Variants in ARHGAP26 observed in about 807,000 individuals in gnomAD.
ARHGAP26 encodes Rho GTPase activating protein 26, also known as rho GTPase-activating protein 26.
Under a neutral mutation model 104.8 loss-of-function variants are expected in ARHGAP26, and 38 were observed. The ratio of observed to expected loss-of-function variants is 0.36; its 90% CI spans 0.28 to 0.48. ARHGAP26 has a LOEUF of 0.48. ARHGAP26 is among the 20% of genes least tolerant of loss of function. The pLI is 0.99. For synonymous variants in ARHGAP26, 341 were observed against 340.0 expected (o/e 1.00, Z -0.03); for missense variants, 704 against 947.9 (o/e 0.74, Z 3.38).
chr5:142,850,021 C>T (rs185684671), intron 1 of ARHGAP26, among the ~76,000 whole-genome samples: 2 of 152,352 alleles, frequency 1.3e-5, no homozygotes, highest in African/African-American at 4.8e-5. Flanking sequence ...GCCAGAGCCA[C>T]CTCACTTGGA....
chr5:143,050,804 T>C (rs1230330912), intron 14 of ARHGAP26, among the ~76,000 whole-genome samples: 1 of 152,112 alleles, frequency 6.6e-6, no homozygotes, highest in Non-Finnish European at 1.5e-5. Context: ...AGAGGATTGA[T>C]CATTCTGGGA....
At chr5:143,057,880 AAAT>A in intron 17 of ARHGAP26, 133 bp downstream of exon 17, 1 of 790,382 alleles carries the variant, frequency 1.3e-6, no homozygotes, top group Non-Finnish European at 2.2e-6. Flanking sequence ...CTTAGGAAAG[AAAT>A]GTGTGAAATG....
intron 1 of ARHGAP26, among the ~76,000 whole-genome samples, chr5:142,857,253 G>A (rs947943526): frequency 6.6e-6 from 1 of 152,160 alleles, no homozygotes; most frequent in African/African-American, 2.4e-5. Flanking sequence ...CTGAGGTTCC[G>A]GGTAGACATC....
chr5:143,223,692 A>G lies in ARHGAP26; in HGVS notation c.*1246A>G. The G allele has an allele frequency of 4.3e-6, 1 of 231,158 alleles. No individual in the cohort carries two copies. The highest frequency in any genetic ancestry group is 8.6e-6 in the Non-Finnish European group (1 of 116,456). The allele number at this position is 231,158 out of a possible 1,614,324, so 14.3% of individuals were successfully genotyped here. On this transcript the variant is annotated 3_prime_UTR_variant, in exon 23 of 23. Coordinates refer to ENST00000645722, the MANE Select transcript of ARHGAP26 (RefSeq NM_001135608.3). ...TAAAAGCACATCTATGTTCACTGCC[A>G]CTCTGAAAAAGGGAATTATTTCTCA... is the stretch of plus-strand genomic sequence containing the variant.
At position 142,892,360 on chromosome 5, in the gene ARHGAP26, C is replaced by T. The variant is rs543608679; in HGVS notation, c.487-1878C>T. On this transcript the variant is annotated intron_variant, in intron 5 of 22. Coordinates refer to ENST00000645722, the MANE Select transcript of ARHGAP26 (RefSeq NM_001135608.3). Reference sequence around the variant, plus strand: ...CCAAGGGCCTTGGGGGCAGATCCACCAGGACAGAAATCCCAGCTCTGCCGT... The same window carrying T: ...CCAAGGGCCTTGGGGGCAGATCCACTAGGACAGAAATCCCAGCTCTGCCGT... 4.6e-5 allele frequency among the ~76,000 whole-genome samples: 7 copies of T among 152,034 alleles called. No homozygotes were observed. In the South Asian group the frequency reaches 1.5e-3, roughly 32 times the overall value.
At chr5:143,105,805 G>A (rs529232769) in intron 17 of ARHGAP26, among the ~76,000 whole-genome samples, 344 of 152,306 alleles carry the variant, frequency 2.3e-3, no homozygotes, top group African/African-American at 7.8e-3. Context: ...GCACCGGGGC[G>A]TTATGGGAAA....
At chr5:143,164,743 G>A (rs897750026) in intron 20 of ARHGAP26, among the ~76,000 whole-genome samples, 9 of 152,186 alleles carry the variant, frequency 5.9e-5, no homozygotes, top group African/African-American at 2.2e-4. Context: ...GAGTGTTCCT[G>A]ATGAAACTCA....
intron 6 of ARHGAP26, among the ~76,000 whole-genome samples, chr5:142,897,732 A>C (rs900339364): frequency 7.2e-5 from 11 of 152,268 alleles, no homozygotes; most frequent in African/African-American, 2.7e-4. Context: ...GTCAAACCTT[A>C]TAACATCTCT....
chr5:142,902,097 C>A lies in ARHGAP26; in HGVS notation c.702+58C>A, dbSNP rs369716957. The A allele has an allele frequency of 3.5e-5, 51 of 1,457,780 alleles. No individual in the cohort carries two copies. The East Asian group carries it at 6.6e-4, about 19-fold the overall frequency. 90.3% of individuals were successfully genotyped at this position (1,457,780 alleles called of 1,614,324 possible). On this transcript the variant is annotated intron_variant, in intron 7 of 22. Transcript: ENST00000645722. ...TGGTTAAGGAAAAACAAAATATGGG[C>A]CTGATTGCCCTAGAAACCATCCAGG... is the stretch of plus-strand genomic sequence containing the variant.
At chr5:143,061,458 G>A (rs1262597396) in intron 17 of ARHGAP26, among the ~76,000 whole-genome samples, 2 of 152,192 alleles carry the variant, frequency 1.3e-5, no homozygotes, top group African/African-American at 4.8e-5. Context: ...ATCAGGAGTA[G>A]ATATTAAAAA....
intron 12 of ARHGAP26, among the ~76,000 whole-genome samples, chr5:143,015,218 T>C (rs1779421295): frequency 1.3e-5 from 2 of 152,158 alleles, no homozygotes; most frequent in African/African-American, 4.8e-5. Flanking sequence ...AAAGAAGTAA[T>C]TCCACCCTAC....
At chr5:143,121,743 T>C (rs1484413596) in intron 18 of ARHGAP26, among the ~76,000 whole-genome samples, 1 of 152,164 alleles carries the variant, frequency 6.6e-6, no homozygotes, top group African/African-American at 2.4e-5. Context: ...CATCCCCCAA[T>C]TTGAAGAATA....
chr5:143,068,708 C>G (rs1787853724), intron 17 of ARHGAP26, among the ~76,000 whole-genome samples: 1 of 152,298 alleles, frequency 6.6e-6, no homozygotes, highest in South Asian at 2.1e-4. Flanking sequence ...TCCCATATCC[C>G]CTTTTAGGTA....
At chr5:142,971,857 T>C (rs1421599466) in intron 11 of ARHGAP26, among the ~76,000 whole-genome samples, 2 of 152,120 alleles carry the variant, frequency 1.3e-5, no homozygotes, top group East Asian at 3.9e-4. Flanking sequence ...ATGAGGTTGA[T>C]TTCATTTCCT....
chr5:142,862,827 C>T (rs548982266), intron 1 of ARHGAP26, among the ~76,000 whole-genome samples: 6 of 152,338 alleles, frequency 3.9e-5, no homozygotes, highest in South Asian at 2.1e-4. Context: ...AGATGGTACA[C>T]GTCACCCTCT....
intron 20 of ARHGAP26, among the ~76,000 whole-genome samples, chr5:143,206,303 G>A (rs1161279713): frequency 2.0e-5 from 3 of 152,226 alleles, no homozygotes; most frequent in Non-Finnish European, 4.4e-5. Flanking sequence ...TGCACTATTT[G>A]TGATGTATGA....
In ARHGAP26 at chr5:143,207,329, G is replaced by T. The variant is rs771922181; in HGVS notation, c.2099+21G>T. 3 of 1,614,120 alleles carry T rather than the reference G, an allele frequency of 1.9e-6. No homozygotes were observed. In the South Asian group the frequency reaches 3.3e-5, roughly 18 times the overall value. On this transcript the variant is annotated intron_variant, in intron 21 of 22. Transcript: ENST00000645722. Reference sequence around the variant, plus strand: ...GTCAGGTCTGTTGCAGGGTTTGTTTGGTTTTCTGTTGCTGCCGTTGTTCTC... The same window carrying T: ...GTCAGGTCTGTTGCAGGGTTTGTTTTGTTTTCTGTTGCTGCCGTTGTTCTC...
chr5:143,103,785 G>T (rs1793603785), intron 17 of ARHGAP26, among the ~76,000 whole-genome samples: 1 of 152,072 alleles, frequency 6.6e-6, no homozygotes, highest in South Asian at 2.1e-4. Flanking sequence ...GCATACACCG[G>T]GACCTAACAG....
rs1811555820 is a variant in ARHGAP26 at position 143,225,162 on chromosome 5, A to G, written c.*2716A>G. 2 of 211,418 alleles carry G rather than the reference A, an allele frequency of 9.5e-6. No individual in the cohort carries two copies. Among genetic ancestry groups the G allele is most frequent in the Non-Finnish European group, 9.6e-6 (1 of 104,308 alleles). The allele number at this position is 211,418 out of a possible 1,614,324, so 13.1% of individuals were successfully genotyped here. A position where few individuals can be genotyped will look rare whatever the true frequency, so the allele number is the denominator to read the frequency against. On this transcript the variant is annotated 3_prime_UTR_variant, in exon 23 of 23. Coordinates refer to ENST00000645722, the MANE Select transcript of ARHGAP26 (RefSeq NM_001135608.3). ...AAGAGAGACCAACATCATGCTTTTA[A>G]CACATTTGATGAGGTTTTTTATTTG...
Sources: allele counts gnomAD v4.1 joint callset (sites outside exome capture counted in the v4.1 genomes callset), GRCh38; gene constraint gnomAD v4.1.1; transcripts MANE v1.5; gene names NCBI Gene and HGNC (gene_info 2026-07-23, HGNC 2026-07-21).